WDR86: variants seen among roughly 807,000 people sequenced by gnomAD.
WDR86 encodes WD repeat-containing protein 86.
WDR86 carries 30 observed loss-of-function variants against 36.5 expected under a neutral mutation model. That is an observed-to-expected ratio of 0.82 (90% CI 0.61 to 1.11). The LOEUF is 1.11. Among genes scored for constraint, WDR86 ranks in the 50% most tolerant of loss-of-function variants. WDR86 has a pLI of 0.00. For missense variants in WDR86, 545 were observed against 561.2 expected (o/e 0.97, Z 0.29); for synonymous variants, 255 against 252.9 (o/e 1.01, Z -0.08).
intron 1 of WDR86, among the ~76,000 whole-genome samples, chr7:151,404,036 C>G (rs533127254): frequency 6.6e-6 from 1 of 152,146 alleles, no homozygotes; most frequent in Non-Finnish European, 1.5e-5. Context: ...AAGCCAATGG[C>G]GGCTAGTGAG....
At position 151,408,194 on chromosome 7, in the gene WDR86, C is replaced by CTTT. The variant is rs1167346483; in HGVS notation, c.163+1230_163+1232dup. ...TAACTATGTAATATTTTTTTCTTTTCTTTTCTTTTTTTTTTTTTTTTAGAC... is the reference window on the plus strand; with the variant it reads ...TAACTATGTAATATTTTTTTCTTTTCTTTTTTTCTTTTTTTTTTTTTTTTAGAC... On this transcript the variant is annotated intron_variant, in intron 1 of 5. Coordinates refer to ENST00000334493, the MANE Select transcript of WDR86 (RefSeq NM_198285.3). Among the ~76,000 whole-genome samples, 17 of 124,650 alleles carry CTTT rather than the reference C, an allele frequency of 1.4e-4. 2 individuals carry two copies. Among genetic ancestry groups the CTTT allele is most frequent in the African/African-American group, 1.9e-4 (6 of 31,244 alleles). The allele number at this position is 124,650 out of a possible 152,430, so 81.8% of individuals were successfully genotyped here.
Position 151,390,162 on chromosome 7 carries a change from A to G in WDR86, c.727-4939T>C, listed in dbSNP as rs537407683. On this transcript the variant is annotated intron_variant, in intron 3 of 5. Coordinates refer to ENST00000334493, the MANE Select transcript of WDR86 (RefSeq NM_198285.3). This position sits in a 1 kb window ranked among gnomAD's most constrained non-coding sequence, Gnocchi z 4.5. ...GGACAGTCAGAGCTCGGGGAGACGG[A>G]GCACTCGCAGGGCCAGGGCTGCGGA... Among the ~76,000 whole-genome samples, 2 of 152,294 alleles carry G rather than the reference A, an allele frequency of 1.3e-5. No homozygotes were observed. The highest frequency in any genetic ancestry group is 3.9e-4 in the East Asian group (2 of 5,168).
downstream of WDR86, chr7:151,376,939 T>A (rs1798316961): frequency 7.1e-7 from 1 of 1,400,126 alleles, no homozygotes; most frequent in Non-Finnish European, 9.6e-7. Context: ...GCCGGCCACC[T>A]GGACAGTGTG....
rs1019315818 is a variant in WDR86, at chr7:151,381,761, G to A, written c.967-15C>T. ...TGGCCGTGCACCTGCGGGCGCAGGG[G>A]CGGGCGTCACCGGTGACGCGGTAGG... On this transcript the variant is annotated splice_polypyrimidine_tract_variant and intron_variant, in intron 5 of 5. Coordinates refer to ENST00000334493, the MANE Select transcript of WDR86 (RefSeq NM_198285.3). The surrounding 1 kb of genome is among the most constrained non-coding windows in gnomAD (Gnocchi z 4.8). The A allele has an allele frequency of 1.5e-5, 22 of 1,493,870 alleles. No homozygotes were observed. The African/African-American group carries it at 3.0e-4, about 20-fold the overall frequency. 92.5% of individuals were successfully genotyped at this position (1,493,870 alleles called of 1,614,324 possible). A position where few individuals can be genotyped will look rare whatever the true frequency, so the allele number is the denominator to read the frequency against.
intron 2 of WDR86, among the ~76,000 whole-genome samples, chr7:151,398,953 C>G (rs1800090159): frequency 6.6e-6 from 1 of 152,190 alleles, no homozygotes; most frequent in Non-Finnish European, 1.5e-5. Context: ...AAACTTCTTT[C>G]TCAGGGAAGT....
At chr7:151,402,070 A>AAAAAAAAATATATATATATATATATATAT in intron 1 of WDR86, among the ~76,000 whole-genome samples, 1 of 50,526 alleles carries the variant, frequency 2.0e-5, no homozygotes, top group Non-Finnish European at 3.3e-5. Context: ...AAAAAAAAAA[A>AAAAAAAAATATATATATATATATATATAT]ATATATATAT....
In WDR86 at chr7:151,381,794, G is replaced by C. The variant is rs1336426251; in HGVS notation, c.967-48C>G. 6.6e-7 allele frequency: 1 copy of C among 1,506,410 alleles called. No individual in the cohort carries two copies. The highest frequency in any genetic ancestry group is 1.4e-5 in the African/African-American group (1 of 71,518). 93.3% of individuals were successfully genotyped at this position (1,506,410 alleles called of 1,614,324 possible). A position where few individuals can be genotyped will look rare whatever the true frequency, so the allele number is the denominator to read the frequency against. ...CACCGGTGACGCGGTAGGCGGGGGG[G>C]ACACCGCTGCCCGCGTGGATGGATC... On this transcript the variant is annotated intron_variant, in intron 5 of 5. Transcript: ENST00000334493. This position sits in a 1 kb window ranked among gnomAD's most constrained non-coding sequence, Gnocchi z 4.8.
intron 3 of WDR86, among the ~76,000 whole-genome samples, chr7:151,394,303 C>T (rs1482112848): frequency 6.6e-6 from 1 of 152,196 alleles, no homozygotes; most frequent in African/African-American, 2.4e-5. Context: ...CTTCCCTGCT[C>T]CCCTGGTCTT....
At position 151,409,805 on chromosome 7, in the gene WDR86, G is replaced by A. The variant is rs1801074141; in HGVS notation, c.-216C>T. 2 of 1,263,354 alleles carry A rather than the reference G, an allele frequency of 1.6e-6. No individual in the cohort carries two copies. Among genetic ancestry groups the A allele is most frequent in the Non-Finnish European group, 2.0e-6 (2 of 1,007,996 alleles). 78.3% of individuals were successfully genotyped at this position (1,263,354 alleles called of 1,614,324 possible). A position where few individuals can be genotyped will look rare whatever the true frequency, so the allele number is the denominator to read the frequency against. The stretch of plus-strand genomic sequence containing the variant: ...CCGCGAACCCAGGGCGCTGCGGGGG[G>A]CGGCCCACTCGGGACCTCCGCCCTG... On this transcript the variant is annotated 5_prime_UTR_variant, in exon 1 of 6. Coordinates refer to ENST00000334493, the MANE Select transcript of WDR86 (RefSeq NM_198285.3). The surrounding 1 kb of genome is among the most constrained non-coding windows in gnomAD (Gnocchi z 5.2).
At chr7:151,382,792 G>A (rs1266468387) in intron 4 of WDR86, among the ~76,000 whole-genome samples, 1 of 152,132 alleles carries the variant, frequency 6.6e-6, no homozygotes, top group African/African-American at 2.4e-5. Context: ...AACGCTCACA[G>A]GGAAATGGGA....
chr7:151,374,852 T>A (rs113758600), downstream of WDR86, among the ~76,000 whole-genome samples: 649 of 152,072 alleles, frequency 4.3e-3, 8 homozygotes, highest in African/African-American at 0.015. Context: ...GCCCCGCAGG[T>A]CAGTGAGAGA....
At chr7:151,376,715 A>G, downstream of WDR86, 2 of 1,607,340 alleles carry the variant, frequency 1.2e-6, no homozygotes. Flanking sequence ...GGCCGCCCAG[A>G]CCCTTGCTCA....
At chr7:151,402,070 A>AAAAAAAAAAAT in intron 1 of WDR86, among the ~76,000 whole-genome samples, 5 of 50,534 alleles carry the variant, frequency 9.9e-5, no homozygotes, top group African/African-American at 4.7e-4. Flanking sequence ...AAAAAAAAAA[A>AAAAAAAAAAAT]ATATATATAT....
At position 151,397,224 on chromosome 7, in the gene WDR86, A is replaced by G. The variant is rs1263426700; in HGVS notation, c.306-1028T>C. ...CTGCTGCTCCTCCCGTCCTCCCGCG[A>G]AGGGCTTGCTGGCCAGCCTGGCATG... On this transcript the variant is annotated intron_variant, in intron 2 of 5. Transcript: ENST00000334493. Among the ~76,000 whole-genome samples, 3 of 152,128 alleles carry G rather than the reference A, an allele frequency of 2.0e-5. No individual in the cohort carries two copies. The East Asian group carries it at 5.8e-4, about 29-fold the overall frequency.
At chr7:151,376,886 C>T (rs555761995), downstream of WDR86, 271 of 1,488,670 alleles carry the variant, frequency 1.8e-4, 1 homozygote, top group African/African-American at 3.0e-3. Flanking sequence ...CCCTAAGCCA[C>T]GGCAGATGTG....
intron 1 of WDR86, among the ~76,000 whole-genome samples, chr7:151,403,222 C>T (rs7801003): frequency 0.32 from 48,745 of 151,946 alleles, 8,682 homozygotes; most frequent in African/African-American, 0.48. Flanking sequence ...TGTGGTTAGA[C>T]GAACCCACAG....
downstream of WDR86, among the ~76,000 whole-genome samples, chr7:151,378,601 GGCATCT>G (rs1326890963): frequency 6.6e-6 from 1 of 152,104 alleles, no homozygotes; most frequent in Non-Finnish European, 1.5e-5. Context: ...AGAAGCAGAG[GGCATCT>G]GCTGTGAAAG....
chr7:151,395,669 G>T, intron 3 of WDR86, 107 bp downstream of exon 3: 1 of 1,339,126 alleles, frequency 7.5e-7, no homozygotes, highest in South Asian at 1.5e-5. Flanking sequence ...GCCCCCATCT[G>T]CAGCGCTTTG....
In WDR86 at chr7:151,400,229, T is replaced by G; in HGVS notation, c.176A>C (p.Tyr59Ser). The G allele has an allele frequency of 6.2e-7, 1 of 1,608,760 alleles. No homozygotes were observed. The highest frequency in any genetic ancestry group is 8.5e-7 in the Non-Finnish European group (1 of 1,177,446). ...ATCCTCCAGCTGGCAGAAGGTCACATAGCTTTCATGTCCTGCAGATGAGGG... is the reference window on the plus strand; with the variant it reads ...ATCCTCCAGCTGGCAGAAGGTCACAGAGCTTTCATGTCCTGCAGATGAGGG... The part of the protein sequence containing the change: ...CCALLQGHES[Y>S]VTFCQLEDEA... Residue 59 changes from tyrosine (Y) to serine (S), a missense_variant, in exon 2 of 6, where the codon TAT becomes TCT. By Grantham distance (144) the Tyr-to-Ser change is moderately radical (BLOSUM62 -2). Coordinates refer to ENST00000334493, the MANE Select transcript of WDR86 (RefSeq NM_198285.3).
Sources: gnomAD v4.1 joint callset for allele counts (sites outside exome capture counted in the v4.1 genomes callset) on GRCh38, gnomAD v4.1.1 for gene constraint, Gnocchi (gnomAD v3.1) non-coding constraint, MANE v1.5 for transcripts, NCBI Gene and HGNC (gene_info 2026-07-23, HGNC 2026-07-21) for gene names.